Variants in DMD observed in about 807,000 individuals in gnomAD.
DMD encodes the protein dystrophin, also known as mutant dystrophin.
DMD carries 63 observed loss-of-function variants against 330.1 expected under a neutral mutation model. The observed-to-expected ratio is 0.19, with a 90% CI of 0.16 to 0.24. The LOEUF (loss-of-function observed/expected upper bound fraction) is 0.24, where lower values mean the gene tolerates loss of function less well. DMD is among the 10% of genes least tolerant of loss of function. The pLI is 1.00. For synonymous variants in DMD, 1,223 were observed against 959.8 expected, an observed-to-expected ratio of 1.27 and a Z score of -5.07; for missense variants, 3,344 against 2,684.1, an observed-to-expected ratio of 1.25 and a Z score of -5.43.
chrX:32,967,330 C>T (rs763170569), intron 2 of DMD, among the ~76,000 whole-genome samples: 2 of 111,602 alleles, frequency 1.8e-5, no homozygotes, highest in South Asian at 7.6e-4. Flanking sequence ...TCACAGAAAG[C>T]ATCAACAGGA....
intron 1 of DMD, among the ~76,000 whole-genome samples, chrX:33,306,362 C>A (rs2053762394): frequency 8.9e-6 from 1 of 111,877 alleles, no homozygotes; most frequent in Non-Finnish European, 1.9e-5. Context: ...CCTGATCTTG[C>A]AGTTTCCAGT....
intron 62 of DMD, among the ~76,000 whole-genome samples, chrX:31,266,645 G>GCCGCGGGAAC (rs1322251404): frequency 1.8e-5 from 2 of 111,990 alleles, no homozygotes; most frequent in African/African-American, 3.2e-5. Context: ...CTGCAGCCGC[G>GCCGCGGGAAC]CCGCGGGAAC....
intron 44 of DMD, among the ~76,000 whole-genome samples, chrX:31,974,251 G>C (rs993437872): frequency 3.7e-4 from 41 of 110,245 alleles, no homozygotes; most frequent in Non-Finnish European, 2.8e-4. Context: ...AACAGATACC[G>C]CGGACTAGTA....
Position 32,686,967 on chromosome X carries a change from C to G in DMD, c.960+10903G>C, listed in dbSNP as rs561766205. Among the ~76,000 whole-genome samples the G allele has an allele frequency of 2.2e-4, 25 of 111,870 alleles. No homozygotes were observed. The South Asian group carries it at 8.2e-3, about 37-fold the overall frequency. ...CTTAGGTACATGACTTAGCATATCT[C>G]AGCTTGAGTGTCTTCACCTGTAAAA... On this transcript the variant is annotated intron_variant, in intron 9 of 78. Coordinates refer to ENST00000357033, the MANE Select transcript of DMD (RefSeq NM_004006.3).
intron 7 of DMD, among the ~76,000 whole-genome samples, chrX:32,760,970 T>C (rs2072204440): frequency 9.0e-6 from 1 of 111,380 alleles, no homozygotes; most frequent in South Asian, 3.8e-4. Flanking sequence ...TCCCTATTTC[T>C]ACCTATCAAG....
intron 27 of DMD, among the ~76,000 whole-genome samples, chrX:32,443,921 T>C (rs1048289696): frequency 1.8e-5 from 2 of 111,359 alleles, no homozygotes; most frequent in South Asian, 7.3e-4. Context: ...CCAAAATACA[T>C]GTTAAAATAC....
chrX:32,044,268 G>T (rs2096038489), intron 44 of DMD, among the ~76,000 whole-genome samples: 1 of 110,357 alleles, frequency 9.1e-6, no homozygotes, highest in African/African-American at 3.3e-5. Context: ...TGGCTCATGA[G>T]AAGTTTAACT....
At chrX:32,519,950 A>G (rs1463294775) in intron 17 of DMD, among the ~76,000 whole-genome samples, 1 of 111,955 alleles carries the variant, frequency 8.9e-6, no homozygotes, top group African/African-American at 3.2e-5. Flanking sequence ...ATGGAGCTTC[A>G]GAGAAATTAA....
chrX:31,415,832 G>A (rs2061845570), intron 60 of DMD, among the ~76,000 whole-genome samples: 1 of 110,863 alleles, frequency 9.0e-6, no homozygotes, highest in Non-Finnish European at 1.9e-5. Context: ...CCCAGAGATT[G>A]AATTGGTCTG....
chrX:32,495,031 T>C (rs2148656083), intron 19 of DMD, among the ~76,000 whole-genome samples: 1 of 111,551 alleles, frequency 9.0e-6, no homozygotes, highest in East Asian at 2.8e-4. Context: ...TTCTGCCACA[T>C]TTATAATCAT....
At chrX:31,143,114 C>T (rs1354739773) in intron 76 of DMD, among the ~76,000 whole-genome samples, 6 of 111,798 alleles carry the variant, frequency 5.4e-5, no homozygotes, top group Non-Finnish European at 9.4e-5. Context: ...TTCAAGAAGA[C>T]GGTAAGGCTT....
intron 28 of DMD, among the ~76,000 whole-genome samples, 183 bp from the exon 29 acceptor site, chrX:32,438,573 T>C (rs1233846605): frequency 8.9e-6 from 1 of 112,045 alleles, no homozygotes; most frequent in Non-Finnish European, 1.9e-5. Context: ...TGTCATTCTA[T>C]ATGAATCTTC....
intron 1 of DMD, among the ~76,000 whole-genome samples, chrX:33,255,795 TA>T (rs1310980010): frequency 1.8e-5 from 2 of 111,543 alleles, no homozygotes; most frequent in African/African-American, 6.5e-5. Flanking sequence ...AATGCTACAA[TA>T]AAAACAAAAA....
chrX:33,188,100 T>C (rs1196423287), intron 1 of DMD, among the ~76,000 whole-genome samples: 1 of 111,055 alleles, frequency 9.0e-6, no homozygotes, highest in Non-Finnish European at 1.9e-5. Context: ...TTTCCACATC[T>C]ATATAATGAG....
chrX:31,226,775 C>T (rs1307371416), intron 63 of DMD, among the ~76,000 whole-genome samples: 10 of 111,871 alleles, frequency 8.9e-5, no homozygotes, highest in Non-Finnish European at 1.9e-4. Context: ...TTTTCCTGTA[C>T]TTGCTAGTGT....
chrX:32,779,117 G>C (rs751011783), intron 7 of DMD, among the ~76,000 whole-genome samples: 1 of 111,309 alleles, frequency 9.0e-6, no homozygotes, highest in Non-Finnish European at 1.9e-5. Flanking sequence ...AAATTAAGCT[G>C]ATTATTTAAG....
chrX:33,101,301 C>T (rs995379879), intron 1 of DMD, among the ~76,000 whole-genome samples: 33 of 111,867 alleles, frequency 2.9e-4, no homozygotes, highest in African/African-American at 1.1e-3. Context: ...TCTCTCTGAA[C>T]CCTATTATCT....
intron 11 of DMD, among the ~76,000 whole-genome samples, chrX:32,639,062 C>A (rs2059280084): frequency 8.9e-6 from 1 of 111,737 alleles, no homozygotes. Context: ...CTTCACTTGG[C>A]CTCCTGACTT....
chrX:32,647,730 G>T (rs950291264), intron 9 of DMD, among the ~76,000 whole-genome samples: 8 of 111,887 alleles, frequency 7.2e-5, no homozygotes, highest in African/African-American at 2.6e-4. Context: ...GAGTGACCTT[G>T]TATAACAACT....
Sources: allele counts gnomAD v4.1 joint callset (sites outside exome capture counted in the v4.1 genomes callset), GRCh38; gene constraint gnomAD v4.1.1; transcripts MANE v1.5; gene names NCBI Gene and HGNC (gene_info 2026-07-23, HGNC 2026-07-21).